GABRB1: variants seen among roughly 807,000 people sequenced by gnomAD.
GABRB1 encodes the protein gamma-aminobutyric acid receptor subunit beta-1.
A neutral mutation model predicts 51.6 loss-of-function variants in GABRB1; 17 were observed. The observed-to-expected ratio is 0.33, with a 90% CI of 0.23 to 0.49. The LOEUF (loss-of-function observed/expected upper bound fraction) is 0.49, where lower values mean the gene tolerates loss of function less well. GABRB1 is among the 20% of genes least tolerant of loss of function. The pLI, the probability that GABRB1 is intolerant of heterozygous loss-of-function variation, is 0.99. For missense variants in GABRB1, 410 were observed against 600.6 expected, an observed-to-expected ratio of 0.68 and a Z score of 3.32; for synonymous variants, 247 against 218.9, an observed-to-expected ratio of 1.13 and a Z score of -1.14.
At chr4:47,000,567 T>A (rs1234662813) in intron 1 of GABRB1, among the ~76,000 whole-genome samples, 1 of 152,192 alleles carries the variant, frequency 6.6e-6, no homozygotes, top group Non-Finnish European at 1.5e-5. Flanking sequence ...AGGTCCTTCA[T>A]CCCATTGCAG....
chr4:47,054,563 C>G (rs1471691405), intron 3 of GABRB1, among the ~76,000 whole-genome samples: 1 of 150,650 alleles, frequency 6.6e-6, no homozygotes, highest in Non-Finnish European at 1.5e-5. Flanking sequence ...TGCATTGTTA[C>G]TATTATTATT....
intron 4 of GABRB1, among the ~76,000 whole-genome samples, chr4:47,249,358 T>A (rs1721891677): frequency 6.6e-6 from 1 of 152,168 alleles, no homozygotes; most frequent in South Asian, 2.1e-4. Flanking sequence ...TTTATTCCAC[T>A]GTGACCTGAG....
chr4:47,111,428 A>T (rs1715205438), intron 3 of GABRB1, among the ~76,000 whole-genome samples: 1 of 148,488 alleles, frequency 6.7e-6, no homozygotes, highest in African/African-American at 2.4e-5. Flanking sequence ...ATATATATGA[A>T]TTTATATTAT....
At chr4:47,423,237 C>A (rs997462895) in intron 8 of GABRB1, among the ~76,000 whole-genome samples, 1 of 152,054 alleles carries the variant, frequency 6.6e-6, no homozygotes, top group East Asian at 1.9e-4. Flanking sequence ...TAAGGAAAGA[C>A]AAAATAAAAA....
At chr4:47,224,766 C>A (rs1324673285) in intron 4 of GABRB1, among the ~76,000 whole-genome samples, 2 of 152,054 alleles carry the variant, frequency 1.3e-5, no homozygotes, top group African/African-American at 4.8e-5. Context: ...AATATATAAG[C>A]CCCCATGTCC....
At chr4:47,302,560 A>G (rs185948956) in intron 4 of GABRB1, among the ~76,000 whole-genome samples, 4 of 152,090 alleles carry the variant, frequency 2.6e-5, no homozygotes, top group Admixed American at 2.6e-4. Context: ...TTTAAACCCA[A>G]ATTATGATGC....
At chr4:47,009,012 C>A (rs1724505074) in intron 1 of GABRB1, among the ~76,000 whole-genome samples, 1 of 148,194 alleles carries the variant, frequency 6.7e-6, no homozygotes. Flanking sequence ...TACAGGCGCC[C>A]ACCACCACGC....
At chr4:47,141,959 G>T (rs74989815) in intron 3 of GABRB1, among the ~76,000 whole-genome samples, 4,939 of 151,968 alleles carry the variant, frequency 0.033, 380 homozygotes, top group East Asian at 0.17. Context: ...TAATTCAGAA[G>T]ATATTTCTTG....
At chr4:47,353,057 A>G (rs998133984) in intron 5 of GABRB1, among the ~76,000 whole-genome samples, 12 of 152,218 alleles carry the variant, frequency 7.9e-5, no homozygotes, top group African/African-American at 2.9e-4. Context: ...TGATGGCAGC[A>G]AGAGAAAATA....
intron 3 of GABRB1, among the ~76,000 whole-genome samples, chr4:47,093,560 A>C (rs1274252738): frequency 6.6e-6 from 1 of 152,196 alleles, no homozygotes; most frequent in African/African-American, 2.4e-5. Context: ...TATTTGTACC[A>C]CCATATTTTT....
At chr4:47,372,614 AAAAGAG>A (rs1727235644) in intron 5 of GABRB1, among the ~76,000 whole-genome samples, 1 of 152,150 alleles carries the variant, frequency 6.6e-6, no homozygotes, top group Non-Finnish European at 1.5e-5. Flanking sequence ...CAACAGGAGG[AAAAGAG>A]TCAAGTCGGC....
intron 4 of GABRB1, among the ~76,000 whole-genome samples, chr4:47,302,114 G>C (rs1724284405): frequency 1.3e-5 from 2 of 152,054 alleles, no homozygotes; most frequent in African/African-American, 4.8e-5. Flanking sequence ...AAGATTCATG[G>C]TCATATGTTT....
chr4:47,320,427 C>T (rs911330145), intron 5 of GABRB1, among the ~76,000 whole-genome samples: 2 of 152,194 alleles, frequency 1.3e-5, no homozygotes, highest in African/African-American at 2.4e-5. Flanking sequence ...AATTTATAAA[C>T]TCATACTTTC....
chr4:47,254,375 T>TG (rs1722112500), intron 4 of GABRB1, among the ~76,000 whole-genome samples: 1 of 125,292 alleles, frequency 8.0e-6, no homozygotes, highest in Non-Finnish European at 1.7e-5. Flanking sequence ...TTTTTTTTTT[T>TG]TTTTTTTTTT....
chr4:47,413,302 C>T (rs953381383), intron 8 of GABRB1, among the ~76,000 whole-genome samples: 6 of 152,168 alleles, frequency 3.9e-5, no homozygotes, highest in South Asian at 2.1e-4. Context: ...AATAATACAG[C>T]ATTACCATCT....
chr4:47,358,304 A>G (rs2110006864), intron 5 of GABRB1, among the ~76,000 whole-genome samples: 1 of 151,882 alleles, frequency 6.6e-6, no homozygotes, highest in East Asian at 1.9e-4. Flanking sequence ...TATGTATATA[A>G]ATATATGTGT....
intron 3 of GABRB1, among the ~76,000 whole-genome samples, chr4:47,124,276 A>T (rs1716009573): frequency 6.6e-6 from 1 of 152,122 alleles, no homozygotes; most frequent in Admixed American, 6.6e-5. Flanking sequence ...TTCTGGGTTT[A>T]TGGATAACTG....
chr4:47,222,466 G>A (rs1360139249), intron 4 of GABRB1, among the ~76,000 whole-genome samples: 1 of 152,080 alleles, frequency 6.6e-6, no homozygotes, highest in Non-Finnish European at 1.5e-5. Context: ...GAAGCAATCA[G>A]GGGTTTGAAA....
chr4:47,317,044 T>C (rs892034838), intron 4 of GABRB1, among the ~76,000 whole-genome samples: 1 of 151,988 alleles, frequency 6.6e-6, no homozygotes, highest in Non-Finnish European at 1.5e-5. Context: ...AGGTCCCTTA[T>C]CAAATTTGTA....
Sources: gnomAD v4.1 joint callset for allele counts (sites outside exome capture counted in the v4.1 genomes callset) on GRCh38, gnomAD v4.1.1 for gene constraint, MANE v1.5 for transcripts, NCBI Gene and HGNC (gene_info 2026-07-23, HGNC 2026-07-21) for gene names.